Variants in RNF17 observed in about 807,000 individuals in gnomAD.
The protein encoded by RNF17 is ring finger protein 17.
RNF17 carries 31 observed loss-of-function variants against 200.5 expected under a neutral mutation model. That is an observed-to-expected ratio of 0.15 (90% confidence interval 0.12 to 0.21). The LOEUF is 0.21. RNF17 is among the 10% of genes least tolerant of loss of function. The pLI is 1.00. For missense variants in RNF17, 1,628 were observed against 1,905.1 expected, an observed-to-expected ratio of 0.85 and a Z score of 2.71; for synonymous variants, 606 against 637.8, an observed-to-expected ratio of 0.95 and a Z score of 0.75.
At chr13:24,882,067 T>G (rs770207645), downstream of RNF17, among the ~76,000 whole-genome samples, 379 of 11,124 alleles carry the variant, frequency 0.034, 13 homozygotes, top group South Asian at 0.16. Context: ...GATACATCTA[T>G]ATAGATATAT....
chr13:24,798,612 G>A (rs773970546), intron 11 of RNF17, among the ~76,000 whole-genome samples: 8 of 152,162 alleles, frequency 5.3e-5, no homozygotes, highest in Non-Finnish European at 1.2e-4. Flanking sequence ...AAGTAGCCAT[G>A]TGAGTTGGGC....
intron 15 of RNF17, among the ~76,000 whole-genome samples, chr13:24,815,839 T>A (rs967254661): frequency 7.9e-5 from 12 of 152,230 alleles, no homozygotes; most frequent in Non-Finnish European, 1.5e-4. Context: ...TTTTGGTCTT[T>A]TCTCCTTCAT....
chr13:24,793,353 T>TA lies in RNF17; in HGVS notation c.1240+11dup. The TA allele has an allele frequency of 6.4e-7, 1 of 1,573,458 alleles. No individual in the cohort carries two copies. The highest frequency in any genetic ancestry group is 1.9e-5 in the Admixed American group (1 of 52,000). On this transcript the variant is annotated splice_region_variant and intron_variant, in intron 10 of 35. Coordinates refer to ENST00000255324, the MANE Select transcript of RNF17 (RefSeq NM_031277.3). ...ATTGAAGACAACGTGGAAAGTAAGT[T>TA]AAAATGTAAAAGCAGAGGGGAAAGA... is the stretch of plus-strand genomic sequence containing the variant.
intron 15 of RNF17, among the ~76,000 whole-genome samples, chr13:24,809,084 A>G (rs1000269616): frequency 2.0e-5 from 3 of 151,642 alleles, no homozygotes; most frequent in Non-Finnish European, 4.4e-5. Context: ...AATGTTCATC[A>G]AGGATATCGG....
At position 24,823,873 on chromosome 13, in the gene RNF17, A is replaced by G. The variant is rs144014414; in HGVS notation, c.2092-1746A>G. On this transcript the variant is annotated intron_variant, in intron 15 of 35. Coordinates refer to ENST00000255324, the MANE Select transcript of RNF17 (RefSeq NM_031277.3). ...CTTGGTACTCCCCTTTGCCACGTTTACAAGTGGTCCCTGCAGTTCTTCCTG... is the reference window on the plus strand; with the variant it reads ...CTTGGTACTCCCCTTTGCCACGTTTGCAAGTGGTCCCTGCAGTTCTTCCTG... Among the ~76,000 whole-genome samples, 483 of 152,306 alleles carry G rather than the reference A, an allele frequency of 3.2e-3. 2 individuals carry two copies. Among genetic ancestry groups the G allele is most frequent in the Non-Finnish European group, 5.1e-3 (345 of 68,022 alleles).
At chr13:24,802,616 A>G in intron 14 of RNF17, 45 bp downstream of exon 14, 1 of 1,485,650 alleles carries the variant, frequency 6.7e-7, no homozygotes, top group Non-Finnish European at 9.1e-7. Flanking sequence ...GATTATAGCT[A>G]TAAATGAGAG....
At chr13:24,767,388 A>G (rs767068524) in intron 2 of RNF17, 22 bp downstream of exon 2, 63 of 1,388,058 alleles carry the variant, frequency 4.5e-5, no homozygotes, top group Non-Finnish European at 6.5e-5. Flanking sequence ...AATTTTTCAG[A>G]TGAAACATAT....
Position 24,864,938 on chromosome 13 carries a change from T to C in RNF17, c.4041T>C (p.Ser1347=), listed in dbSNP as rs761929535. ...IHLYFDGMSL[S]YFMAYYKYCT... is the part of the protein sequence containing the mutation. ...TCTATTTTGATGGAATGTCACTTTCTTATTTTATGGCATACTATAAATACT... is the reference window on the plus strand; with the variant it reads ...TCTATTTTGATGGAATGTCACTTTCCTATTTTATGGCATACTATAAATACT... The change falls in exon 29 of 36, where the codon TCT becomes TCC. Residue 1347 remains serine (S), a synonymous_variant. Transcript: ENST00000255324. 4 of 1,570,748 alleles carry C rather than the reference T, an allele frequency of 2.5e-6. No homozygotes were observed. Among genetic ancestry groups the C allele is most frequent in the Non-Finnish European group, 2.6e-6 (3 of 1,152,958 alleles).
intron 33 of RNF17, among the ~76,000 whole-genome samples, chr13:24,876,498 C>T (rs2138468624): frequency 6.6e-6 from 1 of 152,362 alleles, no homozygotes; most frequent in East Asian, 1.9e-4. Context: ...GAGGAACCTC[C>T]ATGCTGTTTC....
chr13:24,788,973 C>T (rs1883488451), intron 7 of RNF17, among the ~76,000 whole-genome samples: 1 of 152,082 alleles, frequency 6.6e-6, no homozygotes, highest in African/African-American at 2.4e-5. Context: ...TAGTTGTTTC[C>T]TGTGTATTAC....
At chr13:24,850,478 C>T (rs1317617070) in intron 23 of RNF17, 35 bp downstream of exon 23, 1 of 1,257,708 alleles carries the variant, frequency 8.0e-7, no homozygotes, top group Non-Finnish European at 1.2e-6. Context: ...CTGATGATCT[C>T]ATTAATGTTT....
At chr13:24,804,918 G>A (rs1885665747) in intron 15 of RNF17, among the ~76,000 whole-genome samples, 1 of 152,048 alleles carries the variant, frequency 6.6e-6, no homozygotes, top group Non-Finnish European at 1.5e-5. Context: ...TCATCATAAG[G>A]CCCTTAAGAC....
At chr13:24,792,983 T>C (rs763334870) in intron 9 of RNF17, 59 bp from the exon 10 acceptor site, 8 of 1,175,412 alleles carry the variant, frequency 6.8e-6, no homozygotes, top group Non-Finnish European at 9.6e-6. Flanking sequence ...TAGTGACTTA[T>C]TCATGGTTGT....
At chr13:24,804,488 A>G (rs1885613599) in intron 15 of RNF17, 59 bp downstream of exon 15, 1 of 1,295,372 alleles carries the variant, frequency 7.7e-7, no homozygotes, top group African/African-American at 1.5e-5. Context: ...TTAGACATGT[A>G]TAACAAGAAT....
At chr13:24,832,004 T>C (rs763582159) in intron 18 of RNF17, 26 bp downstream of exon 18, 68 of 1,399,800 alleles carry the variant, frequency 4.9e-5, no homozygotes, top group Non-Finnish European at 6.5e-5. Flanking sequence ...ACTTGTTATG[T>C]AATCACATAT....
intron 9 of RNF17, among the ~76,000 whole-genome samples, chr13:24,791,096 A>C (rs892816065): frequency 1.3e-5 from 2 of 152,196 alleles, no homozygotes; most frequent in Non-Finnish European, 2.9e-5. Flanking sequence ...AAAAGGTTTT[A>C]AGCATGAAAG....
chr13:24,852,021 C>T (rs1156866119), intron 24 of RNF17, among the ~76,000 whole-genome samples: 5 of 151,832 alleles, frequency 3.3e-5, no homozygotes, highest in Non-Finnish European at 5.9e-5. Context: ...AATAATTGAA[C>T]AGTATTTACG....
chr13:24,884,050 G>A (rs767833776), downstream of RNF17: 22 of 1,613,678 alleles, frequency 1.4e-5, no homozygotes, highest in East Asian at 8.9e-5. Flanking sequence ...GTCAGGAAAC[G>A]TGATTTCTTT....
intron 34 of RNF17, among the ~76,000 whole-genome samples, chr13:24,878,327 TTATAGA>T (rs1895078202): frequency 6.6e-6 from 1 of 152,254 alleles, no homozygotes; most frequent in South Asian, 2.1e-4. Context: ...CAAGTATTTC[TTATAGA>T]TAGGTATTTT....
Sources: gnomAD v4.1 joint callset for allele counts (sites outside exome capture counted in the v4.1 genomes callset) on GRCh38, gnomAD v4.1.1 for gene constraint, MANE v1.5 for transcripts, NCBI Gene and HGNC (gene_info 2026-07-23, HGNC 2026-07-21) for gene names.